The following ARHGEF17 variants were observed in gnomAD, a reference collection of about 807,000 sequenced individuals.
The protein encoded by ARHGEF17 is Rho guanine nucleotide exchange factor 17.
In ARHGEF17, 80 loss-of-function variants were observed where a neutral mutation model predicts 174.0. That is an observed-to-expected ratio of 0.46 (90% CI 0.38 to 0.55). ARHGEF17 has a LOEUF of 0.55. Among genes scored for constraint, ARHGEF17 ranks in the 20% least tolerant of loss-of-function variants. ARHGEF17 has a pLI of 0.00. For synonymous variants in ARHGEF17, 1,311 were observed against 1,189.1 expected (o/e 1.10, Z -2.11); for missense variants, 2,886 against 2,839.7 (o/e 1.02, Z -0.37).
intron 1 of ARHGEF17, among the ~76,000 whole-genome samples, chr11:73,329,408 T>G (rs1177924929): frequency 2.4e-5 from 3 of 124,738 alleles, no homozygotes; most frequent in Non-Finnish European, 4.7e-5. Context: ...GGTTTTTGTT[T>G]TTTTTTTTTG....
At chr11:73,350,117 C>T (rs1398636442) in intron 2 of ARHGEF17, among the ~76,000 whole-genome samples, 1 of 152,242 alleles carries the variant, frequency 6.6e-6, no homozygotes, top group Non-Finnish European at 1.5e-5. Context: ...CTGCCTGCAG[C>T]TCTGCAAGCA....
At chr11:73,354,419 G>A (rs1392332936) in intron 3 of ARHGEF17, among the ~76,000 whole-genome samples, 2 of 152,192 alleles carry the variant, frequency 1.3e-5, no homozygotes, top group Non-Finnish European at 2.9e-5. Flanking sequence ...TGGCACCTTA[G>A]AGGGACAGGA....
intron 1 of ARHGEF17, among the ~76,000 whole-genome samples, chr11:73,324,633 C>G (rs758933188): frequency 7.2e-5 from 11 of 152,258 alleles, no homozygotes; most frequent in Admixed American, 3.3e-4. Flanking sequence ...AGGATAGTCT[C>G]ACTGGGTTGG....
intron 1 of ARHGEF17, among the ~76,000 whole-genome samples, chr11:73,312,879 T>C (rs1206930144): frequency 6.6e-6 from 1 of 152,172 alleles, no homozygotes; most frequent in African/African-American, 2.4e-5. Flanking sequence ...ACCTTCTGGC[T>C]TCAGCTATCC....
chr11:73,326,345 G>T (rs908591654), intron 1 of ARHGEF17, among the ~76,000 whole-genome samples: 6 of 152,166 alleles, frequency 3.9e-5, no homozygotes, highest in African/African-American at 1.4e-4. Flanking sequence ...TACCATGAAA[G>T]CTCCCTGGTT....
Position 73,363,357 on chromosome 11 carries a change from C to T in ARHGEF17, c.5148C>T (p.Ser1716=), listed in dbSNP as rs1376409889. 2 of 1,613,074 alleles carry T rather than the reference C, an allele frequency of 1.2e-6. No homozygotes were observed. The change falls in exon 15 of 21, where the codon TCC becomes TCT. Residue 1716 remains serine (S), a synonymous_variant. Coordinates refer to ENST00000263674, the MANE Select transcript of ARHGEF17 (RefSeq NM_014786.4). ...SPMDGRALRR[S]SHGSFTRGSL... is the part of the protein sequence containing the mutation. ...TGGATGGGAGAGCCCTTCGCCGCTC[C>T]AGCCACGGCTCCTTCACCCGGGGCA... is the stretch of plus-strand genomic sequence containing the variant.
rs536607221 is a variant in ARHGEF17, at chr11:73,308,824, G to T, written c.186G>T (p.Ala62=). The T allele has an allele frequency of 7.1e-4, 954 of 1,344,674 alleles. 2 individuals carry two copies. The highest frequency in any genetic ancestry group is 8.9e-4 in the Non-Finnish European group (937 of 1,055,006). The allele number at this position is 1,344,674 out of a possible 1,614,324, so 83.3% of individuals were successfully genotyped here. A position where few individuals can be genotyped will look rare whatever the true frequency, so the allele number is the denominator to read the frequency against. Residue 62 remains alanine (A), a synonymous_variant, in exon 1 of 21, where the codon GCG becomes GCT. Transcript: ENST00000263674. ...CCTCTCGGCGCGTGTCCAAGCTGGC[G>T]TCTGGGCCCCTGGCCGCCCCCGCGC... ...GQPSRRVSKL[A]SGPLAAPAQP...
At chr11:73,329,370 TA>T (rs1439899341) in intron 1 of ARHGEF17, among the ~76,000 whole-genome samples, 2 of 23,596 alleles carry the variant, frequency 8.5e-5, no homozygotes, top group African/African-American at 2.0e-4. Context: ...TATATATATA[TA>T]TATTTTTTTT....
In ARHGEF17 at chr11:73,360,297, G is replaced by C. The variant is rs781061255; in HGVS notation, c.4207-23G>C. On this transcript the variant is annotated intron_variant, in intron 10 of 20. Coordinates refer to ENST00000263674, the MANE Select transcript of ARHGEF17 (RefSeq NM_014786.4). ...GCTCTGGTGAGATGCTGGGGCCTGA[G>C]GCCTGGGCCCTCTTCCCCACAGAGC... 8.6e-5 allele frequency: 139 copies of C among 1,612,260 alleles called. 2 individuals carry two copies. In the South Asian group the frequency reaches 1.5e-3, roughly 17 times the overall value.
Position 73,365,869 on chromosome 11 carries a change from G to T in ARHGEF17, c.5917G>T (p.Val1973Phe). 1 of 1,611,696 alleles carries T rather than the reference G, an allele frequency of 6.2e-7. No homozygotes were observed. The change falls in exon 20 of 21, where the codon GTC becomes TTC. Residue 1973 changes from valine (V) to phenylalanine (F), a missense_variant. Val to Phe is a conservative substitution (Grantham distance 50, BLOSUM62 -1). This residue lies in a region of ARHGEF17 where 329 missense variants were observed against 435.2 expected (regional missense o/e 0.76). Coordinates refer to ENST00000263674, the MANE Select transcript of ARHGEF17 (RefSeq NM_014786.4). This position sits in a 1 kb window ranked among gnomAD's most constrained non-coding sequence, Gnocchi z 4.9. ...CCTCGGCCAGGGACACACCGGCCACGTCCGCTTCTTGGCTGCAGTCCAGCT... is the reference window on the plus strand; with the variant it reads ...CCTCGGCCAGGGACACACCGGCCACTTCCGCTTCTTGGCTGCAGTCCAGCT... ...TGLGQGHTGHVRFLAAVQLPD... is the reference protein window; with the variant it reads ...TGLGQGHTGHFRFLAAVQLPD...
chr11:73,314,398 C>T (rs1382748948), intron 1 of ARHGEF17, among the ~76,000 whole-genome samples: 3 of 152,162 alleles, frequency 2.0e-5, no homozygotes. Flanking sequence ...GTGTTGCCCC[C>T]ATTGCCGGGA....
intron 6 of ARHGEF17, 110 bp downstream of exon 6, chr11:73,356,461 G>A (rs1865643268): frequency 1.0e-5 from 14 of 1,355,272 alleles, no homozygotes; most frequent in East Asian, 7.7e-5. Flanking sequence ...GTCCATGTCC[G>A]GAACCACAGT....
intron 1 of ARHGEF17, among the ~76,000 whole-genome samples, chr11:73,337,933 A>T (rs1157086636): frequency 2.0e-5 from 3 of 152,174 alleles, no homozygotes; most frequent in Non-Finnish European, 4.4e-5. Context: ...TAAGCAGGGC[A>T]CTGTCCCCAT....
intron 1 of ARHGEF17, among the ~76,000 whole-genome samples, chr11:73,329,368 TA>T (rs1349763819): frequency 1.0e-3 from 22 of 21,280 alleles, no homozygotes; most frequent in African/African-American, 3.6e-3. Context: ...TATATATATA[TA>T]TATATTTTTT....
At chr11:73,353,180 G>T (rs1203246889) in intron 3 of ARHGEF17, 168 bp downstream of exon 3, 2 of 890,874 alleles carry the variant, frequency 2.2e-6, no homozygotes, top group Admixed American at 2.5e-5. Flanking sequence ...CCCCTGGGTG[G>T]ACCTGAACTT....
chr11:73,339,268 T>C (rs1865332051), intron 1 of ARHGEF17, among the ~76,000 whole-genome samples: 1 of 152,236 alleles, frequency 6.6e-6, no homozygotes, highest in South Asian at 2.1e-4. Flanking sequence ...ATAGGTGCTC[T>C]ATAAGTATTT....
At chr11:73,326,946 G>T (rs1275573950) in intron 1 of ARHGEF17, among the ~76,000 whole-genome samples, 4 of 152,294 alleles carry the variant, frequency 2.6e-5, no homozygotes, top group African/African-American at 7.2e-5. Flanking sequence ...TCCCTGATGG[G>T]AGGCGTTAGA....
chr11:73,347,700 G>A (rs1169347319), intron 2 of ARHGEF17, among the ~76,000 whole-genome samples: 1 of 152,230 alleles, frequency 6.6e-6, no homozygotes, highest in Non-Finnish European at 1.5e-5. Context: ...ATTCTGCCAG[G>A]GTCCGTGGAT....
intron 2 of ARHGEF17, 72 bp from the exon 3 acceptor site, chr11:73,352,758 C>G (rs1865575587): frequency 3.2e-6 from 5 of 1,564,896 alleles, no homozygotes; most frequent in Non-Finnish European, 2.6e-6. Context: ...TGCACTCACA[C>G]AGGGGCCCTG....
Sources: gnomAD v4.1 joint callset for allele counts (sites outside exome capture counted in the v4.1 genomes callset) on GRCh38, gnomAD v4.1.1 for gene constraint, gnomAD v4.1.1 regional missense constraint, Gnocchi (gnomAD v3.1) non-coding constraint, MANE v1.5 for transcripts, NCBI Gene and HGNC (gene_info 2026-07-23, HGNC 2026-07-21) for gene names.